Variants in STX16 observed in about 807,000 individuals in gnomAD.
STX16 encodes the protein syntaxin-16.
Under a neutral mutation model 42.7 loss-of-function variants are expected in STX16, and 28 were observed. That is an observed-to-expected ratio of 0.66 (90% CI 0.49 to 0.90). STX16 has a LOEUF of 0.90. Among genes scored for constraint, STX16 ranks in the 40% least tolerant of loss-of-function variants. The pLI is 0.00. For synonymous variants in STX16, 156 were observed against 155.2 expected, an observed-to-expected ratio of 1.00 and a Z score of -0.04; for missense variants, 361 against 420.9, an observed-to-expected ratio of 0.86 and a Z score of 1.24.
At chr20:58,667,365 AAG>A (rs2083860887) in intron 2 of STX16, 123 bp from the exon 3 acceptor site, 2 of 821,764 alleles carry the variant, frequency 2.4e-6, no homozygotes, top group South Asian at 1.5e-5. Context: ...AGCAACATTT[AAG>A]AGAGAGTAAA....
intron 1 of STX16, among the ~76,000 whole-genome samples, chr20:58,655,327 T>A (rs755846838): frequency 6.6e-6 from 1 of 152,202 alleles, no homozygotes; most frequent in Admixed American, 6.5e-5. Flanking sequence ...TTCAAAAAAT[T>A]TAAACATGCA....
chr20:58,665,123 G>A (rs2083789259), intron 2 of STX16, among the ~76,000 whole-genome samples: 1 of 152,220 alleles, frequency 6.6e-6, no homozygotes, highest in African/African-American at 2.4e-5. Context: ...ACCTCTTGGT[G>A]ACTTTGGAGC....
intron 2 of STX16, among the ~76,000 whole-genome samples, chr20:58,665,094 G>A (rs564480879): frequency 1.6e-4 from 25 of 152,340 alleles, no homozygotes; most frequent in African/African-American, 5.8e-4. Context: ...TAGTCAGTGT[G>A]TCCTCCACAG....
chr20:58,653,839 T>C (rs2083528189), intron 1 of STX16, among the ~76,000 whole-genome samples: 1 of 151,826 alleles, frequency 6.6e-6, no homozygotes, highest in Non-Finnish European at 1.5e-5. Flanking sequence ...ACCCTGAACC[T>C]TTGGGTAACA....
chr20:58,673,495 T>C, intron 7 of STX16, 136 bp from the exon 8 acceptor site: 1 of 619,710 alleles, frequency 1.6e-6, no homozygotes, highest in South Asian at 1.9e-5. Context: ...GAGCCCTCCG[T>C]GTGTACCTGC....
chr20:58,656,004 G>A (rs1239922132), intron 1 of STX16, among the ~76,000 whole-genome samples: 2 of 152,120 alleles, frequency 1.3e-5, no homozygotes, highest in Admixed American at 6.5e-5. Context: ...GCCCCATCAC[G>A]TTCATGCCTC....
At chr20:58,667,188 T>C (rs914407135) in intron 2 of STX16, 2 of 466,882 alleles carry the variant, frequency 4.3e-6, no homozygotes, top group Admixed American at 2.8e-5. Flanking sequence ...ACTTTTTCAT[T>C]ACATTTCTAT....
At chr20:58,673,278 G>T (rs944070944) in intron 7 of STX16, among the ~76,000 whole-genome samples, 1 of 152,166 alleles carries the variant, frequency 6.6e-6, no homozygotes, top group East Asian at 1.9e-4. Flanking sequence ...GCAAATGGGC[G>T]CAGAGCTTCT....
rs2083604694 is a variant in STX16, at chr20:58,657,229, G to GAAAATT, written c.133-2393_133-2392insAAATTA. Among the ~76,000 whole-genome samples, 1 of 152,210 alleles carries GAAAATT rather than the reference G, an allele frequency of 6.6e-6. No individual in the cohort carries two copies. The highest frequency in any genetic ancestry group is 1.5e-5 in the Non-Finnish European group (1 of 68,046). ...AAGATTCTAAGTTTTAGTACAAGCT[G>GAAAATT]AGTCTGTTGGAAAATTAGTTCTCTG... On this transcript the variant is annotated intron_variant, in intron 1 of 8. Coordinates refer to ENST00000371141, the MANE Select transcript of STX16 (RefSeq NM_001001433.3). The surrounding 1 kb of genome is among the most constrained non-coding windows in gnomAD (Gnocchi z 4.2).
intron 1 of STX16, among the ~76,000 whole-genome samples, chr20:58,652,837 T>C (rs2083500875): frequency 6.6e-6 from 1 of 152,134 alleles, no homozygotes; most frequent in Non-Finnish European, 1.5e-5. Flanking sequence ...AGGAGGTATA[T>C]GTGAAAATTA....
intron 2 of STX16, among the ~76,000 whole-genome samples, chr20:58,666,409 T>TG (rs2083829037): frequency 6.8e-6 from 1 of 147,370 alleles, no homozygotes; most frequent in South Asian, 2.1e-4. Flanking sequence ...CCTCTGTTTT[T>TG]TGTGTGTGTG....
At chr20:58,653,407 C>T (rs2083517088) in intron 1 of STX16, among the ~76,000 whole-genome samples, 2 of 152,208 alleles carry the variant, frequency 1.3e-5, no homozygotes, top group African/African-American at 4.8e-5. Context: ...TCATTTTAAG[C>T]CGTGTGAGCG....
At chr20:58,656,154 C>T (rs1405884114) in intron 1 of STX16, among the ~76,000 whole-genome samples, 1 of 152,116 alleles carries the variant, frequency 6.6e-6, no homozygotes, top group Non-Finnish European at 1.5e-5. Context: ...CATTTGTAAA[C>T]TGAGGGGTTT....
chr20:58,667,944 G>C (rs759378553), intron 3 of STX16, 43 bp from the exon 4 acceptor site: 11 of 1,612,922 alleles, frequency 6.8e-6, no homozygotes, highest in Non-Finnish European at 9.3e-6. Context: ...GCAGACCATA[G>C]CCTGCCTGGC....
In STX16 at chr20:58,679,444, A is replaced by G. The variant is rs988128153; in HGVS notation, c.*3153A>G. The stretch of plus-strand genomic sequence containing the variant: ...ACTTTTTTGTCCTTTTTTAAAACCA[A>G]TTTACTGTTACTGGAAACTTTTTGT... On this transcript the variant is annotated 3_prime_UTR_variant, in exon 9 of 9. Coordinates refer to ENST00000371141, the MANE Select transcript of STX16 (RefSeq NM_001001433.3). 2.6e-5 allele frequency: 4 copies of G among 152,416 alleles called. No individual in the cohort carries two copies. The highest frequency in any genetic ancestry group is 9.7e-5 in the African/African-American group (4 of 41,424). 9.4% of individuals were successfully genotyped at this position (152,416 alleles called of 1,614,324 possible). A position where few individuals can be genotyped will look rare whatever the true frequency, so the allele number is the denominator to read the frequency against.
In STX16 at chr20:58,671,433, TGTGG is replaced by T. The variant is rs561105525; in HGVS notation, c.792+140_792+143del. The T allele has an allele frequency of 0.13, 46,771 of 356,306 alleles. 4,132 individuals carry two copies. The highest frequency in any genetic ancestry group is 0.21 in the Middle Eastern group (206 of 984). The allele number at this position is 356,306 out of a possible 1,614,324, so 22.1% of individuals were successfully genotyped here. A position where few individuals can be genotyped will look rare whatever the true frequency, so the allele number is the denominator to read the frequency against. ...TGTGTGCACCTGTCCTTTATGTGTG[TGTGG>T]GTGTGTGTGTGTGTGTGTGTGTGTG... On this transcript the variant is annotated intron_variant, in intron 7 of 8. Transcript: ENST00000371141.
chr20:58,677,363 T>C lies in STX16; in HGVS notation c.*1072T>C, dbSNP rs1432079262. 6.6e-6 allele frequency: 1 copy of C among 152,646 alleles called. No homozygotes were observed. Among genetic ancestry groups the C allele is most frequent in the African/African-American group, 2.4e-5 (1 of 41,468 alleles). The allele number at this position is 152,646 out of a possible 1,614,324, so 9.5% of individuals were successfully genotyped here. A position where few individuals can be genotyped will look rare whatever the true frequency, so the allele number is the denominator to read the frequency against. Reference sequence around the variant, plus strand: ...GCGATTTGATTTATTGGCTCTTCCATTGCCACTGAGCAATGCCCAGGAAGC... The same window carrying C: ...GCGATTTGATTTATTGGCTCTTCCACTGCCACTGAGCAATGCCCAGGAAGC... On this transcript the variant is annotated 3_prime_UTR_variant, in exon 9 of 9. Transcript: ENST00000371141.
chr20:58,675,884 C>A (rs556138062), intron 8 of STX16, among the ~76,000 whole-genome samples: 8 of 152,336 alleles, frequency 5.3e-5, no homozygotes, highest in African/African-American at 1.9e-4. Context: ...CCGGGAGAAG[C>A]AGGCCCAGCT....
In STX16 at chr20:58,677,049, C is replaced by T. The variant is rs1343615782; in HGVS notation, c.*758C>T. ...ACCAAAAGAGGTTACTAAGCAAAAC[C>T]ACCTAAATTTAAGTTGGTGATTTAA... On this transcript the variant is annotated 3_prime_UTR_variant, in exon 9 of 9. Transcript: ENST00000371141. The T allele has an allele frequency of 6.6e-6, 1 of 152,556 alleles. No homozygotes were observed. Among genetic ancestry groups the T allele is most frequent in the Non-Finnish European group, 1.5e-5 (1 of 68,036 alleles). The allele number at this position is 152,556 out of a possible 1,614,324, so 9.5% of individuals were successfully genotyped here. A position where few individuals can be genotyped will look rare whatever the true frequency, so the allele number is the denominator to read the frequency against.
Sources: allele counts gnomAD v4.1 joint callset (sites outside exome capture counted in the v4.1 genomes callset), GRCh38; gene constraint gnomAD v4.1.1; non-coding constraint Gnocchi (gnomAD v3.1); transcripts MANE v1.5; gene names NCBI Gene and HGNC (gene_info 2026-07-23, HGNC 2026-07-21).